ACER3: variants seen among roughly 807,000 people sequenced by gnomAD.
ACER3 encodes the protein alkaline ceramidase 3.
ACER3 carries 16 observed loss-of-function variants against 48.9 expected under a neutral mutation model. The ratio of observed to expected loss-of-function variants is 0.33; its 90% CI spans 0.22 to 0.50. The LOEUF is 0.50. ACER3 is among the 20% of genes least tolerant of loss of function. ACER3 has a pLI of 0.98. For missense variants in ACER3, 227 were observed against 326.0 expected, an observed-to-expected ratio of 0.70 and a Z score of 2.34; for synonymous variants, 109 against 107.8, an observed-to-expected ratio of 1.01 and a Z score of -0.07.
At chr11:76,951,958 C>T (rs1280618395) in intron 2 of ACER3, among the ~76,000 whole-genome samples, 1 of 152,092 alleles carries the variant, frequency 6.6e-6, no homozygotes, top group Non-Finnish European at 1.5e-5. Context: ...CTGGCCTTAT[C>T]AAACATTATT....
chr11:76,881,606 C>T lies in ACER3; in HGVS notation c.103+20527C>T, dbSNP rs529658138. 2.6e-5 allele frequency among the ~76,000 whole-genome samples: 4 copies of T among 152,234 alleles called. No individual in the cohort carries two copies. In the East Asian group the frequency reaches 7.7e-4, roughly 29 times the overall value. On this transcript the variant is annotated intron_variant, in intron 1 of 10. Transcript: ENST00000532485. The stretch of plus-strand genomic sequence containing the variant: ...TTGCACAATAAGGCAACTATATAGG[C>T]TCATATCCTACCTACCTTGTTCTTT...
chr11:76,870,852 T>C (rs1945224591), intron 1 of ACER3, among the ~76,000 whole-genome samples: 1 of 152,210 alleles, frequency 6.6e-6, no homozygotes, highest in Non-Finnish European at 1.5e-5. Flanking sequence ...GCATAATATT[T>C]TCATTACAGT....
rs1055305038 is a variant in ACER3 at position 77,025,813 on chromosome 11, C to G, written c.*5486C>G. 2 of 152,176 alleles carry G rather than the reference C, an allele frequency of 1.3e-5. No homozygotes were observed. Among genetic ancestry groups the G allele is most frequent in the African/African-American group, 4.8e-5 (2 of 41,438 alleles). 9.4% of individuals were successfully genotyped at this position (152,176 alleles called of 1,614,324 possible). On this transcript the variant is annotated 3_prime_UTR_variant, in exon 11 of 11. Coordinates refer to ENST00000532485, the MANE Select transcript of ACER3 (RefSeq NM_018367.7). Reference sequence around the variant, plus strand: ...CTCTCTGGCTTGGGAGTTTGTCTCCCCTGCTCTAGACTGTCAGCAAGTGGT... The same window carrying G: ...CTCTCTGGCTTGGGAGTTTGTCTCCGCTGCTCTAGACTGTCAGCAAGTGGT...
At chr11:77,007,010 AT>A (rs1949164889) in intron 7 of ACER3, among the ~76,000 whole-genome samples, 1 of 151,576 alleles carries the variant, frequency 6.6e-6, no homozygotes, top group South Asian at 2.1e-4. Flanking sequence ...TGCTCAGGAG[AT>A]TGAGGCAGGA....
chr11:76,869,445 G>T (rs1447207492), intron 1 of ACER3, among the ~76,000 whole-genome samples: 1 of 152,218 alleles, frequency 6.6e-6, no homozygotes, highest in Non-Finnish European at 1.5e-5. Context: ...TGCTGCAAGA[G>T]CTGCCATACC....
intron 1 of ACER3, among the ~76,000 whole-genome samples, chr11:76,872,671 G>T (rs1489375175): frequency 6.6e-6 from 1 of 152,034 alleles, no homozygotes; most frequent in African/African-American, 2.4e-5. Context: ...ATTGTTAATG[G>T]GTTACCATAT....
chr11:76,882,134 A>G (rs1425664896), intron 1 of ACER3, among the ~76,000 whole-genome samples: 1 of 151,130 alleles, frequency 6.6e-6, no homozygotes, highest in African/African-American at 2.4e-5. Context: ...CCTCCCGAGT[A>G]GCTGGGACTA....
chr11:76,902,487 A>G (rs907783789), intron 1 of ACER3, among the ~76,000 whole-genome samples: 6 of 152,268 alleles, frequency 3.9e-5, no homozygotes, highest in Admixed American at 6.5e-5. Flanking sequence ...TTTTTTTACA[A>G]TGGTCTTTAC....
intron 2 of ACER3, 62 bp downstream of exon 2, chr11:76,926,729 A>T (rs1003765511): frequency 1.8e-6 from 2 of 1,140,320 alleles, no homozygotes; most frequent in Non-Finnish European, 2.5e-6. Flanking sequence ...TTTCTCATTC[A>T]TTTCTAAAAG....
chr11:77,005,036 C>CTTT (rs57411582), intron 7 of ACER3, among the ~76,000 whole-genome samples: 3 of 112,862 alleles, frequency 2.7e-5, no homozygotes, highest in South Asian at 2.9e-4. Context: ...TAAACTTTTT[C>CTTT]TTTTTTTTTT....
In ACER3 at chr11:77,023,389, T is replaced by C. The variant is rs549196372; in HGVS notation, c.*3062T>C. The stretch of plus-strand genomic sequence containing the variant: ...CAGGTACATAATGCATGAAAATCTT[T>C]AAATGCCTGCAAAAATTAAGTTCTG... On this transcript the variant is annotated 3_prime_UTR_variant, in exon 11 of 11. Coordinates refer to ENST00000532485, the MANE Select transcript of ACER3 (RefSeq NM_018367.7). The C allele has an allele frequency of 1.6e-5, 6 of 376,614 alleles. No individual in the cohort carries two copies. In the South Asian group the frequency reaches 7.4e-4, roughly 46 times the overall value. The allele number at this position is 376,614 out of a possible 1,614,324, so 23.3% of individuals were successfully genotyped here.
intron 2 of ACER3, among the ~76,000 whole-genome samples, chr11:76,927,722 G>T (rs1170077891): frequency 9.2e-5 from 14 of 151,682 alleles, no homozygotes; most frequent in Non-Finnish European, 1.8e-4. Context: ...TGGTTTTTTG[G>T]CCTTGCGATA....
At chr11:76,998,303 G>C (rs1373884345) in intron 6 of ACER3, among the ~76,000 whole-genome samples, 1 of 152,192 alleles carries the variant, frequency 6.6e-6, no homozygotes, top group Non-Finnish European at 1.5e-5. Context: ...GGAGACTAGG[G>C]ATGAGAAAGA....
At chr11:76,977,539 G>A (rs1284720191) in intron 4 of ACER3, among the ~76,000 whole-genome samples, 2 of 152,238 alleles carry the variant, frequency 1.3e-5, no homozygotes, top group Admixed American at 6.5e-5. Flanking sequence ...TGTTGGACAA[G>A]TATGTTAAGA....
intron 7 of ACER3, among the ~76,000 whole-genome samples, chr11:77,007,176 G>T (rs1407101823): frequency 6.6e-6 from 1 of 150,930 alleles, no homozygotes; most frequent in Non-Finnish European, 1.5e-5. Flanking sequence ...TCTTGAATCT[G>T]TGTGTTTGTT....
intron 2 of ACER3, among the ~76,000 whole-genome samples, chr11:76,956,096 G>T (rs183019798): frequency 1.8e-4 from 28 of 151,742 alleles, no homozygotes; most frequent in African/African-American, 6.3e-4. Context: ...TCTTTTAGGG[G>T]TGATGAAAAT....
chr11:76,910,351 T>A (rs1314815238), intron 1 of ACER3, among the ~76,000 whole-genome samples: 1 of 152,208 alleles, frequency 6.6e-6, no homozygotes, highest in African/African-American at 2.4e-5. Flanking sequence ...GAAAAAAGAC[T>A]ACATATAATT....
intron 1 of ACER3, among the ~76,000 whole-genome samples, chr11:76,922,266 C>G (rs1269893668): frequency 6.6e-6 from 1 of 152,142 alleles, no homozygotes; most frequent in Admixed American, 6.5e-5. Flanking sequence ...CCTGCACTCC[C>G]TGCCTCCAGG....
chr11:76,873,939 G>A (rs921843953), intron 1 of ACER3, among the ~76,000 whole-genome samples: 2 of 152,038 alleles, frequency 1.3e-5, no homozygotes, highest in African/African-American at 4.8e-5. Flanking sequence ...TCAGTTTTTA[G>A]AATCTACCTT....
Sources: gnomAD v4.1 joint callset for allele counts (sites outside exome capture counted in the v4.1 genomes callset) on GRCh38, gnomAD v4.1.1 for gene constraint, MANE v1.5 for transcripts, NCBI Gene and HGNC (gene_info 2026-07-23, HGNC 2026-07-21) for gene names.